Variants in NOL10 observed in about 807,000 individuals in gnomAD.
NOL10 encodes nucleolar protein 10, also known as H_NH0074G24.1.
A neutral mutation model predicts 103.5 loss-of-function variants in NOL10; 58 were observed. The ratio of observed to expected loss-of-function variants is 0.56; its 90% CI spans 0.45 to 0.70. The LOEUF (loss-of-function observed/expected upper bound fraction) is 0.70, where lower values mean the gene tolerates loss of function less well. NOL10 is among the 30% of genes least tolerant of loss of function. NOL10 has a pLI of 0.00. For synonymous variants in NOL10, 287 were observed against 282.5 expected (o/e 1.02, Z -0.16); for missense variants, 763 against 807.3 (o/e 0.95, Z 0.67).
At chr2:10,611,587 C>A (rs1292116230) in intron 13 of NOL10, among the ~76,000 whole-genome samples, 1 of 152,178 alleles carries the variant, frequency 6.6e-6, no homozygotes, top group Non-Finnish European at 1.5e-5. Context: ...TTCAAGGTAG[C>A]CTGGGCAACA....
At chr2:10,634,511 A>C (rs1354449969) in intron 13 of NOL10, 1 of 456,666 alleles carries the variant, frequency 2.2e-6, no homozygotes, top group Admixed American at 2.3e-5. Flanking sequence ...CCAAGTGGAG[A>C]AGCCGAGTAG....
intron 12 of NOL10, among the ~76,000 whole-genome samples, chr2:10,646,944 G>C (rs943994579): frequency 6.6e-6 from 1 of 152,220 alleles, no homozygotes; most frequent in Non-Finnish European, 1.5e-5. Flanking sequence ...ATAACCGTAA[G>C]TACAGTGTGA....
intron 3 of NOL10, among the ~76,000 whole-genome samples, chr2:10,681,616 A>G (rs1050555424): frequency 1.2e-4 from 19 of 152,342 alleles, no homozygotes; most frequent in Admixed American, 7.8e-4. Flanking sequence ...GAAAAAGGCT[A>G]TAAGTAAATA....
chr2:10,586,320 C>T (rs10184776), intron 19 of NOL10, among the ~76,000 whole-genome samples: 9,673 of 74,770 alleles, frequency 0.13, 2,777 homozygotes, highest in Non-Finnish European at 0.18. Context: ...GAATTGTATG[C>T]TACATTACTA....
chr2:10,588,938 C>T, intron 19 of NOL10, 105 bp downstream of exon 19: 2 of 1,495,698 alleles, frequency 1.3e-6, no homozygotes, highest in Non-Finnish European at 1.8e-6. Flanking sequence ...CCCTCTGCAC[C>T]TCCATCATCC....
In NOL10 at chr2:10,628,339, G is replaced by A. The variant is rs192243269; in HGVS notation, c.1026+15981C>T. Among the ~76,000 whole-genome samples the A allele has an allele frequency of 2.4e-3, 364 of 152,028 alleles. 1 individual carries two copies. Among genetic ancestry groups the A allele is most frequent in the Middle Eastern group, 6.8e-3 (2 of 294 alleles). On this transcript the variant is annotated intron_variant, in intron 13 of 20. Transcript: ENST00000381685. Reference sequence around the variant, plus strand: ...TTCACTGTGCTATCCTGACATTCTCGACCCCCATTCACAAGTGGAGTCACT... The same window carrying A: ...TTCACTGTGCTATCCTGACATTCTCAACCCCCATTCACAAGTGGAGTCACT...
At chr2:10,581,164 G>A (rs1053700211) in intron 19 of NOL10, among the ~76,000 whole-genome samples, 1 of 152,160 alleles carries the variant, frequency 6.6e-6, no homozygotes, top group Non-Finnish European at 1.5e-5. Flanking sequence ...TAGGCATAAC[G>A]AAGATGTAAA....
At chr2:10,644,812 G>C (rs1678940868) in intron 12 of NOL10, among the ~76,000 whole-genome samples, 2 of 152,218 alleles carry the variant, frequency 1.3e-5, no homozygotes, top group South Asian at 4.1e-4. Flanking sequence ...ATTCAATAAA[G>C]GATTCTCTAT....
chr2:10,667,016 A>G (rs758936590), intron 8 of NOL10, among the ~76,000 whole-genome samples: 13 of 152,200 alleles, frequency 8.5e-5, no homozygotes, highest in Non-Finnish European at 1.8e-4. Context: ...TGTGAAGGAC[A>G]TTGATTCAAA....
intron 1 of NOL10, among the ~76,000 whole-genome samples, chr2:10,688,076 G>C (rs760582026): frequency 6.6e-6 from 1 of 151,946 alleles, no homozygotes; most frequent in African/African-American, 2.4e-5. Context: ...CTTCCTTTTT[G>C]TCACCTCAAC....
chr2:10,642,004 G>C (rs1678727265), intron 13 of NOL10, among the ~76,000 whole-genome samples: 1 of 152,194 alleles, frequency 6.6e-6, no homozygotes, highest in African/African-American at 2.4e-5. Flanking sequence ...ACAGGCACTT[G>C]CTGTCCATGT....
intron 5 of NOL10, among the ~76,000 whole-genome samples, 175 bp from the exon 6 acceptor site, chr2:10,671,865 T>A (rs1680967825): frequency 6.6e-6 from 1 of 152,156 alleles, no homozygotes. Context: ...AAACACTCCA[T>A]CGGCTCCTTA....
chr2:10,646,243 A>C (rs1679065604), intron 12 of NOL10, among the ~76,000 whole-genome samples: 1 of 152,202 alleles, frequency 6.6e-6, no homozygotes, highest in Non-Finnish European at 1.5e-5. Flanking sequence ...CTGGAGACAG[A>C]AGCCACATCT....
intron 9 of NOL10, among the ~76,000 whole-genome samples, chr2:10,660,600 G>A (rs1024288965): frequency 6.6e-6 from 1 of 152,084 alleles, no homozygotes; most frequent in South Asian, 2.1e-4. Flanking sequence ...TTACAGGTGT[G>A]AGCCACCACA....
At chr2:10,680,546 T>C (rs1051910170) in intron 3 of NOL10, among the ~76,000 whole-genome samples, 10 of 152,236 alleles carry the variant, frequency 6.6e-5, no homozygotes, top group African/African-American at 2.4e-4. Flanking sequence ...TCTCTGGATC[T>C]ATAAAATGAA....
chr2:10,597,980 T>TGAA (rs1436464034), intron 17 of NOL10, among the ~76,000 whole-genome samples: 2 of 152,130 alleles, frequency 1.3e-5, no homozygotes, highest in African/African-American at 4.8e-5. Context: ...ACAAAATGAG[T>TGAA]GAACATCAAC....
rs1041149552 is a variant in NOL10 at position 10,615,458 on chromosome 2, T to C, written c.1027-8147A>G. 3.5e-4 allele frequency among the ~76,000 whole-genome samples: 54 copies of C among 152,150 alleles called. 1 individual carries two copies. The highest frequency in any genetic ancestry group is 1.3e-3 in the African/African-American group (53 of 41,428). ...GATACACATGACAGAGTGCCTTCAGTCAAGGGCTAGCAGAGACAGGACGCC... is the reference window on the plus strand; with the variant it reads ...GATACACATGACAGAGTGCCTTCAGCCAAGGGCTAGCAGAGACAGGACGCC... On this transcript the variant is annotated intron_variant, in intron 13 of 20. Transcript: ENST00000381685.
chr2:10,577,915 C>T (rs1674541395), intron 19 of NOL10, among the ~76,000 whole-genome samples, 177 bp from the exon 20 acceptor site: 1 of 152,188 alleles, frequency 6.6e-6, no homozygotes, highest in African/African-American at 2.4e-5. Context: ...AGTCATTATT[C>T]ATATTCCAGA....
chr2:10,675,858 A>G lies in NOL10; in HGVS notation c.225T>C (p.Pro75=). ...GATAGGTGTCATAACATCGAACCCG[A>G]GGTTTATATGTTCCTACAAAAAATT... is the stretch of plus-strand genomic sequence containing the variant. ...QYILATGTYK[P]RVRCYDTYQL... The change falls in exon 4 of 21, where the codon CCT becomes CCC. Residue 75 remains proline, a synonymous_variant. Transcript: ENST00000381685. The G allele has an allele frequency of 6.4e-7, 1 of 1,571,526 alleles. No individual in the cohort carries two copies. Among genetic ancestry groups the G allele is most frequent in the South Asian group, 1.2e-5 (1 of 85,036 alleles).
Sources: allele counts gnomAD v4.1 joint callset (sites outside exome capture counted in the v4.1 genomes callset), GRCh38; gene constraint gnomAD v4.1.1; transcripts MANE v1.5; gene names NCBI Gene and HGNC (gene_info 2026-07-23, HGNC 2026-07-21).